PPP2R2D: variants seen among roughly 807,000 people sequenced by gnomAD.
PPP2R2D encodes protein phosphatase 2 regulatory subunit Bdelta.
In PPP2R2D, 9 loss-of-function variants were observed where a neutral mutation model predicts 31.1. That is an observed-to-expected ratio of 0.29 (90% CI 0.17 to 0.51). The LOEUF (loss-of-function observed/expected upper bound fraction) is 0.51. Among genes scored for constraint, PPP2R2D ranks in the 20% least tolerant of loss-of-function variants. The probability of loss-of-function intolerance (pLI) is 0.98; values close to 1 mark genes in which losing one functional copy is unlikely to be tolerated. For synonymous variants in PPP2R2D, 179 were observed against 172.6 expected, an observed-to-expected ratio of 1.04 and a Z score of -0.29; for missense variants, 391 against 465.6, an observed-to-expected ratio of 0.84 and a Z score of 1.48.
chr10:131,914,574 T>A (rs2035741123), intron 2 of PPP2R2D, among the ~76,000 whole-genome samples: 1 of 152,200 alleles, frequency 6.6e-6, no homozygotes, highest in Admixed American at 6.5e-5. Flanking sequence ...GATACAACGT[T>A]GAAAACACTA....
chr10:131,959,549 C>CAAGA lies in PPP2R2D; in HGVS notation c.*3588_*3591dup. The CAAGA allele has an allele frequency of 6.3e-6, 1 of 159,204 alleles. No individual in the cohort carries two copies. Among genetic ancestry groups the CAAGA allele is most frequent in the South Asian group, 1.7e-4 (1 of 5,812 alleles). 9.9% of individuals were successfully genotyped at this position (159,204 alleles called of 1,614,324 possible). ...TGTGCTGATTACTAATCCACATGGG[C>CAAGA]AAGAACAGGATGTCCGTCATTACCC... On this transcript the variant is annotated 3_prime_UTR_variant, in exon 9 of 9. Coordinates refer to ENST00000455566, the MANE Select transcript of PPP2R2D (RefSeq NM_018461.5).
chr10:131,937,892 G>C (rs1554896697), intron 3 of PPP2R2D, among the ~76,000 whole-genome samples: 1 of 152,198 alleles, frequency 6.6e-6, no homozygotes, highest in Non-Finnish European at 1.5e-5. Flanking sequence ...TTCAACATCT[G>C]CCCCGTGCAG....
At chr10:131,942,749 TA>T (rs534357220) in intron 5 of PPP2R2D, among the ~76,000 whole-genome samples, 6 of 152,224 alleles carry the variant, frequency 3.9e-5, no homozygotes, top group Non-Finnish European at 8.8e-5. Context: ...ATGTTTTCAA[TA>T]AAAGAAGGAA....
intron 2 of PPP2R2D, among the ~76,000 whole-genome samples, chr10:131,933,584 A>T (rs2036281278): frequency 6.6e-6 from 1 of 152,124 alleles, no homozygotes; most frequent in South Asian, 2.1e-4. Flanking sequence ...GCCAGGCCTT[A>T]TCCTCAGTCC....
chr10:131,949,035 G>C (rs2036594347), intron 8 of PPP2R2D, among the ~76,000 whole-genome samples: 2 of 152,224 alleles, frequency 1.3e-5, no homozygotes, highest in Non-Finnish European at 2.9e-5. Flanking sequence ...TGGAGCTCCT[G>C]CCTCCACGAG....
chr10:131,916,261 G>C (rs2119770672), intron 2 of PPP2R2D, among the ~76,000 whole-genome samples: 1 of 152,246 alleles, frequency 6.6e-6, no homozygotes, highest in Admixed American at 6.5e-5. Context: ...CAGCAACTTA[G>C]GGTGGTTTGG....
downstream of PPP2R2D, among the ~76,000 whole-genome samples, chr10:131,960,764 C>T (rs1436768968): frequency 5.3e-5 from 8 of 152,212 alleles, no homozygotes; most frequent in African/African-American, 1.9e-4. Flanking sequence ...TTCTCCTAAA[C>T]CTGTGCTGTG....
chr10:131,904,482 C>A (rs894488497), intron 2 of PPP2R2D, among the ~76,000 whole-genome samples: 3 of 152,076 alleles, frequency 2.0e-5, no homozygotes. Flanking sequence ...TGCACTCCAG[C>A]CTGGGCGACA....
In PPP2R2D at chr10:131,955,906, T is replaced by C. The variant is rs782241978; in HGVS notation, c.1305T>C (p.Asn435=). The C allele has an allele frequency of 1.3e-6, 2 of 1,590,124 alleles. No homozygotes were observed. Among genetic ancestry groups the C allele is most frequent in the Admixed American group, 1.7e-5 (1 of 58,186 alleles). Residue 435 remains asparagine, a synonymous_variant, in exon 9 of 9, where the codon AAT becomes AAC. Transcript: ENST00000455566. ...ILHTAWHPVD[N]VIAVAATNNL... is the part of the protein sequence containing the mutation. ...ACACAGCCTGGCACCCCGTGGACAA[T>C]GTCATTGCCGTGGCTGCCACCAATA... is the stretch of plus-strand genomic sequence containing the variant.
chr10:131,952,127 G>A (rs561457201), intron 8 of PPP2R2D, among the ~76,000 whole-genome samples: 5 of 134,008 alleles, frequency 3.7e-5, no homozygotes, highest in South Asian at 2.7e-4. Context: ...GCAGTGACTT[G>A]CGGGTGTGCG....
In PPP2R2D at chr10:131,914,352, T is replaced by C. The variant is rs532534052; in HGVS notation, c.100+13022T>C. 9.8e-5 allele frequency among the ~76,000 whole-genome samples: 15 copies of C among 152,344 alleles called. No individual in the cohort carries two copies. In the South Asian group the frequency reaches 3.1e-3, roughly 32 times the overall value. Reference sequence around the variant, plus strand: ...TCCAGCCTGGGAACAGAGTGGACCCTGTCTCAAATAAGCAAAGACATTCTA... The same window carrying C: ...TCCAGCCTGGGAACAGAGTGGACCCCGTCTCAAATAAGCAAAGACATTCTA... On this transcript the variant is annotated intron_variant, in intron 2 of 8. Coordinates refer to ENST00000455566, the MANE Select transcript of PPP2R2D (RefSeq NM_018461.5).
intron 2 of PPP2R2D, among the ~76,000 whole-genome samples, chr10:131,903,054 T>G (rs2035527171): frequency 6.6e-6 from 1 of 151,992 alleles, no homozygotes; most frequent in Non-Finnish European, 1.5e-5. Flanking sequence ...ACCTGCCTGG[T>G]TTCTTTACTT....
chr10:131,960,334 G>A (rs895276919), downstream of PPP2R2D, among the ~76,000 whole-genome samples: 1 of 152,232 alleles, frequency 6.6e-6, no homozygotes, highest in Non-Finnish European at 1.5e-5. Context: ...TTCTGGGCCC[G>A]TGGTTCAGGT....
chr10:131,952,328 T>A (rs2036661977), intron 8 of PPP2R2D, among the ~76,000 whole-genome samples: 1 of 61,782 alleles, frequency 1.6e-5, no homozygotes, highest in African/African-American at 7.3e-5. Flanking sequence ...GGGTTCACTG[T>A]CTTAGTGATT....
chr10:131,917,289 T>C (rs1554893317), intron 2 of PPP2R2D, among the ~76,000 whole-genome samples: 1 of 115,156 alleles, frequency 8.7e-6, no homozygotes, highest in Non-Finnish European at 1.7e-5. Context: ...ACAGTGTTTG[T>C]AGGGACCTCA....
At chr10:131,934,763 T>G in intron 3 of PPP2R2D, 1 of 588,698 alleles carries the variant, frequency 1.7e-6, no homozygotes, top group Non-Finnish European at 3.2e-6. Flanking sequence ...GCCTTTGTCT[T>G]CAGAGTAGGG....
intron 8 of PPP2R2D, among the ~76,000 whole-genome samples, chr10:131,951,608 G>T (rs1554898772): frequency 6.6e-6 from 1 of 152,188 alleles, no homozygotes; most frequent in African/African-American, 2.4e-5. Context: ...GGATCACGAG[G>T]TCAGGAGTTC....
intron 2 of PPP2R2D, among the ~76,000 whole-genome samples, chr10:131,901,604 G>A (rs2035497795): frequency 6.6e-6 from 1 of 152,182 alleles, no homozygotes; most frequent in East Asian, 1.9e-4. Context: ...TCCGAACCCA[G>A]CGCCTGGGGC....
rs1433015056 is a variant in PPP2R2D at position 131,947,924 on chromosome 10, G to A, written c.1082+133G>A. On this transcript the variant is annotated intron_variant, in intron 8 of 8. Coordinates refer to ENST00000455566, the MANE Select transcript of PPP2R2D (RefSeq NM_018461.5). This position sits in a 1 kb window ranked among gnomAD's most constrained non-coding sequence, Gnocchi z 4.3. ...TAGGGTGTTGTTTTCCAGACCTTTT[G>A]ATTGATGGATGATAGTATCAAGGTA... is the stretch of plus-strand genomic sequence containing the variant. The A allele has an allele frequency of 1.8e-6, 2 of 1,082,502 alleles. No homozygotes were observed. The highest frequency in any genetic ancestry group is 1.3e-6 in the Non-Finnish European group (1 of 753,108). The allele number at this position is 1,082,502 out of a possible 1,614,324, so 67.1% of individuals were successfully genotyped here. A position where few individuals can be genotyped will look rare whatever the true frequency, so the allele number is the denominator to read the frequency against.
Sources: allele counts gnomAD v4.1 joint callset (sites outside exome capture counted in the v4.1 genomes callset), GRCh38; gene constraint gnomAD v4.1.1; non-coding constraint Gnocchi (gnomAD v3.1); transcripts MANE v1.5; gene names NCBI Gene and HGNC (gene_info 2026-07-23, HGNC 2026-07-21).